Variants in SPMAP2L observed in about 807,000 individuals in gnomAD.
SPMAP2L encodes the protein sperm microtubule associated protein 2 like, also known as sperm microtubule associated protein 2-like.
the SPMAP2L span, among the ~76,000 whole-genome samples, chr4:56,561,831 C>A: frequency 6.6e-6 from 1 of 152,188 alleles, no homozygotes; most frequent in African/African-American, 2.4e-5. Flanking sequence ...TCAAGCGATT[C>A]TCCTGCCTCA....
the SPMAP2L span, among the ~76,000 whole-genome samples, chr4:56,611,623 A>G: frequency 7.2e-4 from 109 of 152,294 alleles, no homozygotes; most frequent in Non-Finnish European, 1.5e-3. Context: ...TACACAAATG[A>G]ACAAAAGCCA....
chr4:56,619,193 G>A, the SPMAP2L span, among the ~76,000 whole-genome samples: 677 of 152,256 alleles, frequency 4.4e-3, 8 homozygotes, highest in African/African-American at 0.015. Flanking sequence ...ATGTAAATGT[G>A]GTTTCTCTCT....
chr4:56,577,573 G>A, the SPMAP2L span, among the ~76,000 whole-genome samples: 6 of 152,132 alleles, frequency 3.9e-5, no homozygotes, highest in African/African-American at 1.4e-4. Context: ...GCCACAGAGT[G>A]AGACTCTGTC....
the SPMAP2L span, among the ~76,000 whole-genome samples, chr4:56,604,531 A>T: frequency 1.3e-5 from 2 of 151,762 alleles, no homozygotes; most frequent in Non-Finnish European, 2.9e-5. Flanking sequence ...GGTGGTACAC[A>T]CCTGTAATCC....
At chr4:56,543,889 AGAGAGAGTGTGTGTGT>A in the SPMAP2L span, among the ~76,000 whole-genome samples, 5 of 130,120 alleles carry the variant, frequency 3.8e-5, no homozygotes, top group Admixed American at 1.6e-4. Context: ...AGAGAGAGAG[AGAGAGAGTGTGTGTGT>A]GTGTGTGTGT....
chr4:56,572,484 C>A, the SPMAP2L span, among the ~76,000 whole-genome samples: 2 of 152,340 alleles, frequency 1.3e-5, no homozygotes, highest in African/African-American at 2.4e-5. Context: ...CTATTCTCCA[C>A]TCTCTCCTAG....
the SPMAP2L span, among the ~76,000 whole-genome samples, chr4:56,613,477 G>A: frequency 1.3e-5 from 2 of 152,188 alleles, no homozygotes; most frequent in Non-Finnish European, 2.9e-5. Context: ...GGACATAATG[G>A]TGGTGGGTGG....
chr4:56,586,305 A>G, the SPMAP2L span, among the ~76,000 whole-genome samples: 1 of 151,928 alleles, frequency 6.6e-6, no homozygotes, highest in African/African-American at 2.4e-5. Flanking sequence ...GTGAGGGCCC[A>G]CTCCCTGGCT....
the SPMAP2L span, among the ~76,000 whole-genome samples, chr4:56,579,690 G>A: frequency 1.3e-5 from 2 of 152,178 alleles, no homozygotes; most frequent in South Asian, 4.1e-4. Context: ...AATCACATAA[G>A]CCCAGGTGGT....
the SPMAP2L span, among the ~76,000 whole-genome samples, chr4:56,617,437 C>T: frequency 6.6e-6 from 1 of 152,072 alleles, no homozygotes; most frequent in African/African-American, 2.4e-5. Context: ...ACTACCTGAG[C>T]CGGTGGTAGT....
chr4:56,584,625 T>C, the SPMAP2L span: 1 of 1,506,708 alleles, frequency 6.6e-7, no homozygotes, highest in Non-Finnish European at 8.9e-7. Context: ...AGTGTGCCCT[T>C]GTGGAAGAAA....
the SPMAP2L span, among the ~76,000 whole-genome samples, chr4:56,581,721 A>G: frequency 6.6e-6 from 1 of 152,214 alleles, no homozygotes. Context: ...ATAGCCAAAA[A>G]CATTCTTGAA....
the SPMAP2L span, chr4:56,596,592 G>A: frequency 1.3e-6 from 2 of 1,531,596 alleles, no homozygotes; most frequent in Non-Finnish European, 1.7e-6. Flanking sequence ...TAGAGGGTCT[G>A]TGCTATGAAA....
chr4:56,601,244 T>C, the SPMAP2L span: 1 of 913,412 alleles, frequency 1.1e-6, no homozygotes, highest in Non-Finnish European at 1.6e-6. Flanking sequence ...ACTTAACGAA[T>C]TACATTTATT....
the SPMAP2L span, among the ~76,000 whole-genome samples, chr4:56,532,526 A>G: frequency 6.6e-6 from 1 of 152,142 alleles, no homozygotes; most frequent in Non-Finnish European, 1.5e-5. Context: ...AGAATCTTCC[A>G]TCTTGAAATA....
chr4:56,619,834 C>T, the SPMAP2L span, among the ~76,000 whole-genome samples: 1 of 152,028 alleles, frequency 6.6e-6, no homozygotes, highest in Admixed American at 6.6e-5. Flanking sequence ...GGGTTAAACC[C>T]CAATATATAT....
At chr4:56,593,546 T>C in the SPMAP2L span, 1 of 1,601,586 alleles carries the variant, frequency 6.2e-7, no homozygotes. Flanking sequence ...TACTGACCTT[T>C]TAGCTTTGTG....
At chr4:56,572,622 C>A in the SPMAP2L span, among the ~76,000 whole-genome samples, 1 of 152,144 alleles carries the variant, frequency 6.6e-6, no homozygotes, top group Non-Finnish European at 1.5e-5. Context: ...CTACTATATG[C>A]TTTTTGTTTC....
chr4:56,611,842 C>T, the SPMAP2L span, among the ~76,000 whole-genome samples: 3 of 152,208 alleles, frequency 2.0e-5, no homozygotes, highest in South Asian at 2.1e-4. Context: ...GTAAGACCCC[C>T]TAGTTCTAGT....
Sources: allele counts gnomAD v4.1 joint callset (sites outside exome capture counted in the v4.1 genomes callset), GRCh38; gene constraint gnomAD v4.1.1; transcripts MANE v1.5; gene names NCBI Gene and HGNC (gene_info 2026-07-23, HGNC 2026-07-21).